The following AP4S1 variants were observed in gnomAD, a reference collection of about 807,000 sequenced individuals.
AP4S1 encodes the protein adaptor related protein complex 4 subunit sigma 1, also known as AP-4 complex subunit sigma-1.
AP4S1 carries 23 observed loss-of-function variants against 19.8 expected under a neutral mutation model. That is an observed-to-expected ratio of 1.16 (90% CI 0.84 to 1.65). The LOEUF (loss-of-function observed/expected upper bound fraction) is 1.65. Ranked by LOEUF, AP4S1 falls within the 40% of genes most tolerant of loss-of-function variation. The pLI is 0.00. For missense variants in AP4S1, 166 were observed against 172.8 expected (o/e 0.96, Z 0.22); for synonymous variants, 46 against 54.1 (o/e 0.85, Z 0.66).
chr14:31,035,395 A>ATG (rs10686522), intron 1 of AP4S1, among the ~76,000 whole-genome samples: 90,605 of 150,648 alleles, frequency 0.6, 27,455 homozygotes, highest in South Asian at 0.72. Flanking sequence ...GGGTTTCACC[A>ATG]TTGGCCAGGA....
At chr14:31,027,507 C>A (rs972130542) in intron 1 of AP4S1, among the ~76,000 whole-genome samples, 4 of 152,052 alleles carry the variant, frequency 2.6e-5, no homozygotes, top group African/African-American at 9.7e-5. Flanking sequence ...ACTAAAAATA[C>A]AAAAATTAGC....
intron 1 of AP4S1, among the ~76,000 whole-genome samples, chr14:31,033,696 A>G (rs1271230807): frequency 1.3e-5 from 2 of 152,234 alleles, no homozygotes; most frequent in African/African-American, 4.8e-5. Context: ...ACTTCTCATT[A>G]TAGTGATTGA....
At chr14:31,060,050 T>C (rs1390550122) in intron 1 of AP4S1, among the ~76,000 whole-genome samples, 1 of 147,702 alleles carries the variant, frequency 6.8e-6, no homozygotes, top group Non-Finnish European at 1.5e-5. Flanking sequence ...TATATATATT[T>C]ATATATTTAT....
intron 1 of AP4S1, among the ~76,000 whole-genome samples, chr14:31,041,753 A>G (rs1383657423): frequency 2.0e-5 from 3 of 152,258 alleles, no homozygotes; most frequent in African/African-American, 4.8e-5. Context: ...AATTGAGAAT[A>G]AGATTCCCCT....
chr14:31,055,104 A>AATATATATATTACATTAT (rs1021548211), intron 1 of AP4S1, among the ~76,000 whole-genome samples: 4 of 150,018 alleles, frequency 2.7e-5, no homozygotes, highest in Non-Finnish European at 5.9e-5. Flanking sequence ...TAAATAATTA[A>AATATATATATTACATTAT]ATATATATAT....
At chr14:31,050,617 A>C (rs1885736115) in intron 1 of AP4S1, among the ~76,000 whole-genome samples, 1 of 152,204 alleles carries the variant, frequency 6.6e-6, no homozygotes, top group Non-Finnish European at 1.5e-5. Context: ...TTTTAGATTT[A>C]CAAAGGTTGT....
intron 5 of AP4S1, chr14:31,085,212 T>TCCTG: frequency 1.9e-6 from 2 of 1,078,410 alleles, no homozygotes; most frequent in Non-Finnish European, 2.3e-6. Flanking sequence ...TCCTCTGACT[T>TCCTG]CCTGGGCCCC....
chr14:31,087,727 C>T (rs1234003705), intron 5 of AP4S1, among the ~76,000 whole-genome samples: 1 of 152,042 alleles, frequency 6.6e-6, no homozygotes, highest in Non-Finnish European at 1.5e-5. Context: ...ATAAAACATG[C>T]CTGTCACCAT....
chr14:31,051,807 T>C (rs1282252084), intron 1 of AP4S1, among the ~76,000 whole-genome samples: 2 of 152,066 alleles, frequency 1.3e-5, no homozygotes, highest in Non-Finnish European at 2.9e-5. Flanking sequence ...ATCACAGGCA[T>C]GCACTACCAC....
chr14:31,082,024 T>C (rs893796639), intron 5 of AP4S1, among the ~76,000 whole-genome samples: 8 of 152,164 alleles, frequency 5.3e-5, no homozygotes, highest in African/African-American at 9.6e-5. Context: ...TATACACTTA[T>C]ATAAATGCCC....
intron 5 of AP4S1, among the ~76,000 whole-genome samples, chr14:31,088,227 G>T (rs1887975398): frequency 6.6e-6 from 1 of 152,164 alleles, no homozygotes; most frequent in African/African-American, 2.4e-5. Context: ...GAGCCCGCTA[G>T]GTGCCATATT....
intron 4 of AP4S1, among the ~76,000 whole-genome samples, chr14:31,077,407 T>C (rs1172454266): frequency 1.3e-5 from 2 of 152,226 alleles, no homozygotes; most frequent in Non-Finnish European, 2.9e-5. Flanking sequence ...AGTTAGGTCT[T>C]CAGCCCACCT....
At chr14:31,037,142 C>T (rs184684913) in intron 1 of AP4S1, among the ~76,000 whole-genome samples, 36 of 151,962 alleles carry the variant, frequency 2.4e-4, no homozygotes, top group Non-Finnish European at 4.0e-4. Flanking sequence ...CCACTTCTGC[C>T]AGGACATGCC....
intron 1 of AP4S1, among the ~76,000 whole-genome samples, chr14:31,049,547 G>C (rs75344069): frequency 0.057 from 7,852 of 138,696 alleles, 275 homozygotes; most frequent in African/African-American, 0.094. Context: ...CATTATACTG[G>C]TAAAAATTTA....
chr14:31,058,523 GTGTA>G (rs202224557), intron 1 of AP4S1, among the ~76,000 whole-genome samples: 2,153 of 80,758 alleles, frequency 0.027, 31 homozygotes, highest in Middle Eastern at 0.056. Context: ...ATCTCTGTGT[GTGTA>G]TGTGTGTGTG....
intron 5 of AP4S1, chr14:31,086,245 A>G (rs977516440): frequency 4.6e-5 from 7 of 152,212 alleles, no homozygotes; most frequent in African/African-American, 9.7e-5. Flanking sequence ...AGAACAAACA[A>G]ATTCTTCAGG....
At chr14:31,077,826 C>G (rs527544396) in intron 4 of AP4S1, among the ~76,000 whole-genome samples, 107 of 150,356 alleles carry the variant, frequency 7.1e-4, no homozygotes, top group African/African-American at 2.4e-3. Context: ...ACCTCTGACT[C>G]CCTTGTTCAA....
chr14:31,085,696 C>A, intron 5 of AP4S1: 1 of 683,058 alleles, frequency 1.5e-6, no homozygotes, highest in Non-Finnish European at 1.8e-6. Flanking sequence ...TCACTTGAGC[C>A]TGGGGGACTG....
intron 1 of AP4S1, among the ~76,000 whole-genome samples, chr14:31,043,431 A>T (rs1479020185): frequency 6.6e-6 from 1 of 152,168 alleles, no homozygotes; most frequent in Non-Finnish European, 1.5e-5. Flanking sequence ...AAAAAGGTAG[A>T]ATGGAACAGG....
Sources: gnomAD v4.1 joint callset for allele counts (sites outside exome capture counted in the v4.1 genomes callset) on GRCh38, gnomAD v4.1.1 for gene constraint, MANE v1.5 for transcripts, NCBI Gene and HGNC (gene_info 2026-07-23, HGNC 2026-07-21) for gene names.